Variants in ORC3 observed in about 807,000 individuals in gnomAD.
ORC3 encodes the protein homolog of latheo, Drosophila.
ORC3 carries 78 observed loss-of-function variants against 100.7 expected under a neutral mutation model. That is an observed-to-expected ratio of 0.77 (90% CI 0.65 to 0.94). The LOEUF is 0.94. Ranked by LOEUF, ORC3 falls within the 40% of genes least tolerant of loss-of-function variation. The pLI, the probability that ORC3 is intolerant of heterozygous loss-of-function variation, is 0.00. For missense variants in ORC3, 789 were observed against 823.9 expected, an observed-to-expected ratio of 0.96 and a Z score of 0.52; for synonymous variants, 295 against 289.3, an observed-to-expected ratio of 1.02 and a Z score of -0.20.
intron 6 of ORC3, among the ~76,000 whole-genome samples, chr6:87,608,533 A>G (rs1778511105): frequency 6.6e-6 from 1 of 152,204 alleles, no homozygotes; most frequent in Non-Finnish European, 1.5e-5. Context: ...TTTGCTTTAT[A>G]TAGGGACTAA....
At chr6:87,597,211 A>G (rs1259594863) in intron 2 of ORC3, among the ~76,000 whole-genome samples, 1 of 152,220 alleles carries the variant, frequency 6.6e-6, no homozygotes, top group Non-Finnish European at 1.5e-5. Context: ...ACATAGCCTG[A>G]AACGAATTTT....
chr6:87,613,959 A>C (rs1440404237), intron 8 of ORC3, among the ~76,000 whole-genome samples: 1 of 152,142 alleles, frequency 6.6e-6, no homozygotes, highest in Admixed American at 6.5e-5. Flanking sequence ...TGGGGTGTAG[A>C]GGATGGTAGC....
intron 13 of ORC3, among the ~76,000 whole-genome samples, chr6:87,637,467 T>C (rs1767912106): frequency 6.6e-6 from 1 of 152,210 alleles, no homozygotes; most frequent in Non-Finnish European, 1.5e-5. Flanking sequence ...AAGATTTCTT[T>C]TTTCTTCTTT....
rs539224273 is a variant in ORC3 at position 87,659,806 on chromosome 6, C to T, written c.1691+1788C>T. ...CTGAGGGAGGAGAATGGCTTGAACC[C>T]GGGAGGCAGAGGTTGCAGTGAGCTG... is the stretch of plus-strand genomic sequence containing the variant. On this transcript the variant is annotated intron_variant, in intron 16 of 19. Coordinates refer to ENST00000392844, the MANE Select transcript of ORC3 (RefSeq NM_012381.4). Among the ~76,000 whole-genome samples, 41 of 151,816 alleles carry T rather than the reference C, an allele frequency of 2.7e-4. 1 individual carries two copies. Among genetic ancestry groups the T allele is most frequent in the Admixed American group, 2.0e-3 (31 of 15,254 alleles).
At chr6:87,624,766 T>C (rs113492594) in intron 11 of ORC3, among the ~76,000 whole-genome samples, 11,716 of 152,212 alleles carry the variant, frequency 0.077, 623 homozygotes, top group Non-Finnish European at 0.12. Context: ...CGTGGGTATA[T>C]GTGTGCCGTG....
intron 14 of ORC3, among the ~76,000 whole-genome samples, chr6:87,653,624 A>G (rs1769445032): frequency 6.6e-6 from 1 of 152,246 alleles, no homozygotes; most frequent in South Asian, 2.1e-4. Context: ...CAAGTTCTTT[A>G]TAGATTTCCA....
At chr6:87,649,290 C>T (rs1014261060) in intron 13 of ORC3, among the ~76,000 whole-genome samples, 9 of 152,194 alleles carry the variant, frequency 5.9e-5, no homozygotes, top group Non-Finnish European at 1.3e-4. Flanking sequence ...TGAACTCATT[C>T]TCTTCTGTTG....
chr6:87,622,563 C>T (rs1415479145), intron 11 of ORC3, among the ~76,000 whole-genome samples: 1 of 151,960 alleles, frequency 6.6e-6, no homozygotes, highest in Non-Finnish European at 1.5e-5. Flanking sequence ...ATAAATAATA[C>T]TTGGATGTAG....
intron 3 of ORC3, among the ~76,000 whole-genome samples, chr6:87,602,894 TC>T (rs1778012787): frequency 3.9e-5 from 4 of 101,708 alleles, no homozygotes; most frequent in Non-Finnish European, 5.7e-5. Flanking sequence ...ATGTCATATA[TC>T]ATATATATAT....
At chr6:87,593,267 A>G (rs1301998931) in intron 1 of ORC3, among the ~76,000 whole-genome samples, 1 of 152,246 alleles carries the variant, frequency 6.6e-6, no homozygotes, top group Non-Finnish European at 1.5e-5. Flanking sequence ...GCAAGCATTT[A>G]TTCATTCCAT....
chr6:87,594,419 GA>G lies in ORC3; in HGVS notation c.79+14del, dbSNP rs753888080. 6.4e-7 allele frequency: 1 copy of G among 1,558,712 alleles called. No homozygotes were observed. The highest frequency in any genetic ancestry group is 2.3e-5 in the East Asian group (1 of 44,252). ...CTCTCTGCCAATAGGTAAGGTGTCT[GA>G]ATATTAAATTTTTTATTCCCTACCT... is the stretch of plus-strand genomic sequence containing the variant. On this transcript the variant is annotated intron_variant, in intron 2 of 19. Coordinates refer to ENST00000392844, the MANE Select transcript of ORC3 (RefSeq NM_012381.4).
chr6:87,669,163 C>G (rs1014206389), downstream of ORC3, among the ~76,000 whole-genome samples: 1 of 151,908 alleles, frequency 6.6e-6, no homozygotes. Flanking sequence ...GTCTCAAAAA[C>G]AAAACAAAAC....
downstream of ORC3, among the ~76,000 whole-genome samples, chr6:87,671,018 T>C (rs542190399): frequency 3.9e-4 from 59 of 152,058 alleles, no homozygotes; most frequent in Admixed American, 1.4e-3. Context: ...AAGTGGCCAA[T>C]GTGGACAAGG....
intron 13 of ORC3, among the ~76,000 whole-genome samples, chr6:87,638,420 A>G (rs1004313968): frequency 1.3e-5 from 2 of 152,212 alleles, no homozygotes; most frequent in Non-Finnish European, 2.9e-5. Context: ...TATTTAACTC[A>G]TGAGAGAAAA....
At chr6:87,623,824 T>C (rs1303573297) in intron 11 of ORC3, among the ~76,000 whole-genome samples, 1 of 151,720 alleles carries the variant, frequency 6.6e-6, no homozygotes, top group Non-Finnish European at 1.5e-5. Context: ...GTGGAGGCTG[T>C]GGTAAGCCGA....
chr6:87,670,231 T>C (rs1237077972), downstream of ORC3, among the ~76,000 whole-genome samples: 1 of 152,106 alleles, frequency 6.6e-6, no homozygotes, highest in Non-Finnish European at 1.5e-5. Flanking sequence ...AGTGACACGA[T>C]TTGGGCTCAC....
At chr6:87,596,065 T>G (rs1473577390) in intron 2 of ORC3, among the ~76,000 whole-genome samples, 2 of 151,930 alleles carry the variant, frequency 1.3e-5, no homozygotes, top group Non-Finnish European at 2.9e-5. Context: ...GGTCCTGAAT[T>G]CCAGGGCTCA....
chr6:87,606,531 T>A (rs1778354370), intron 5 of ORC3, among the ~76,000 whole-genome samples: 1 of 125,062 alleles, frequency 8.0e-6, no homozygotes, highest in South Asian at 2.3e-4. Flanking sequence ...ATTAAAAAGC[T>A]TTTTTTTTTT....
chr6:87,644,095 TTTTTTTTTTTTTTTTG>T (rs1562366924), intron 13 of ORC3, among the ~76,000 whole-genome samples: 2 of 107,532 alleles, frequency 1.9e-5, no homozygotes, highest in African/African-American at 3.8e-5. Context: ...TTTTTTTTTT[TTTTTTTTTTTTTTTTG>T]AGACGGAGTC....
Sources: allele counts gnomAD v4.1 joint callset (sites outside exome capture counted in the v4.1 genomes callset), GRCh38; gene constraint gnomAD v4.1.1; transcripts MANE v1.5; gene names NCBI Gene and HGNC (gene_info 2026-07-23, HGNC 2026-07-21).